The following KCNK10 variants were observed in gnomAD, a reference collection of about 807,000 sequenced individuals.
KCNK10 encodes potassium two pore domain channel subfamily K member 10, also known as potassium channel subfamily K member 10.
A neutral mutation model predicts 47.7 loss-of-function variants in KCNK10; 25 were observed. That is an observed-to-expected ratio of 0.52 (90% CI 0.38 to 0.73). The LOEUF (loss-of-function observed/expected upper bound fraction) is 0.73, where lower values mean the gene tolerates loss of function less well. KCNK10 is among the 30% of genes least tolerant of loss of function. The pLI is 0.00. For synonymous variants in KCNK10, 303 were observed against 285.6 expected, an observed-to-expected ratio of 1.06 and a Z score of -0.61; for missense variants, 563 against 714.5, an observed-to-expected ratio of 0.79 and a Z score of 2.42.
chr14:88,315,834 G>C (rs1041492374), intron 1 of KCNK10, among the ~76,000 whole-genome samples: 2 of 152,050 alleles, frequency 1.3e-5, no homozygotes, highest in Admixed American at 1.3e-4. Flanking sequence ...TTGCACAAGC[G>C]AGAGCAATTG....
intron 3 of KCNK10, among the ~76,000 whole-genome samples, chr14:88,232,189 G>A (rs1351460954): frequency 1.3e-5 from 2 of 152,228 alleles, no homozygotes; most frequent in East Asian, 3.8e-4. Context: ...TGTGATTATA[G>A]TGTGAATAGT....
rs183267851 is a variant in KCNK10 at position 88,202,720 on chromosome 14, C to T, written c.682-10310G>A. On this transcript the variant is annotated intron_variant, in intron 4 of 6. Coordinates refer to ENST00000319231, the MANE Select transcript of KCNK10 (RefSeq NM_138317.3). ...GTTAGGAACACAGACAGAGAGAAGG[C>T]GGAATGGCCACTCAGCCTGGAGCAA... Among the ~76,000 whole-genome samples, 391 of 144,778 alleles carry T rather than the reference C, an allele frequency of 2.7e-3. 4 individuals carry two copies. The highest frequency in any genetic ancestry group is 9.4e-3 in the African/African-American group (366 of 38,950). The allele number at this position is 144,778 out of a possible 152,430, so 95.0% of individuals were successfully genotyped here.
chr14:88,324,072 G>A (rs957394388), upstream of KCNK10, among the ~76,000 whole-genome samples: 11 of 152,230 alleles, frequency 7.2e-5, no homozygotes, highest in Non-Finnish European at 1.5e-4. Context: ...CTGGAAAGGA[G>A]GCTTGAGAGA....
Position 88,185,079 on chromosome 14 carries a change from C to A in KCNK10, c.*456G>T. On this transcript the variant is annotated 3_prime_UTR_variant, in exon 7 of 7. Transcript: ENST00000319231. This position sits in a 1 kb window ranked among gnomAD's most constrained non-coding sequence, Gnocchi z 4.3. Reference sequence around the variant, plus strand: ...AAGCTCAGAGCACATGCCAAAATGTCAACTCCAACGCTAGTTACACATAAC... The same window carrying A: ...AAGCTCAGAGCACATGCCAAAATGTAAACTCCAACGCTAGTTACACATAAC... 6.1e-6 allele frequency: 1 copy of A among 164,112 alleles called. No individual in the cohort carries two copies. The allele number at this position is 164,112 out of a possible 1,614,324, so 10.2% of individuals were successfully genotyped here.
rs1307968013 is a variant in KCNK10 at position 88,184,859 on chromosome 14, T to C, written c.*676A>G. The C allele has an allele frequency of 6.6e-6, 1 of 152,508 alleles. No homozygotes were observed. Among genetic ancestry groups the C allele is most frequent in the Non-Finnish European group, 1.5e-5 (1 of 68,068 alleles). 9.4% of individuals were successfully genotyped at this position (152,508 alleles called of 1,614,324 possible). ...AAACTCAGCAGGCTTCTGTCATTGG[T>C]TAAGGTGATATCCACAGTGTGATGT... is the stretch of plus-strand genomic sequence containing the variant. On this transcript the variant is annotated 3_prime_UTR_variant, in exon 7 of 7. Transcript: ENST00000319231.
At chr14:88,238,115 A>T (rs1229583866) in intron 3 of KCNK10, among the ~76,000 whole-genome samples, 1 of 152,196 alleles carries the variant, frequency 6.6e-6, no homozygotes, top group African/African-American at 2.4e-5. Flanking sequence ...ATGTTATCAA[A>T]AGGTCTTCTT....
chr14:88,275,693 C>CAAAA (rs71126972), intron 1 of KCNK10, among the ~76,000 whole-genome samples: 24 of 71,970 alleles, frequency 3.3e-4, no homozygotes, highest in African/African-American at 1.1e-3. Context: ...GCTAAAAATA[C>CAAAA]AAAAAAAAAA....
chr14:88,326,349 G>A (rs1038693930), upstream of KCNK10: 2 of 1,371,968 alleles, frequency 1.5e-6, no homozygotes, highest in Non-Finnish European at 2.1e-6. Flanking sequence ...TAGCCCTTTG[G>A]GCTACTGCAA....
chr14:88,190,036 C>T (rs910307342), intron 5 of KCNK10, among the ~76,000 whole-genome samples: 5 of 152,114 alleles, frequency 3.3e-5, no homozygotes, highest in African/African-American at 1.2e-4. Context: ...ACTGTGGATG[C>T]CTGGGACTGT....
At chr14:88,212,286 C>T (rs995290589) in intron 4 of KCNK10, among the ~76,000 whole-genome samples, 2 of 151,536 alleles carry the variant, frequency 1.3e-5, no homozygotes, top group African/African-American at 4.9e-5. Context: ...ACTAAAAATA[C>T]AGAATTAGCT....
chr14:88,197,100 GA>G (rs1323295733), intron 4 of KCNK10, among the ~76,000 whole-genome samples: 1 of 152,088 alleles, frequency 6.6e-6, no homozygotes, highest in African/African-American at 2.4e-5. Context: ...TACACACACA[GA>G]AAAAAGTTTA....
chr14:88,325,521 G>A (rs1166720240), upstream of KCNK10, among the ~76,000 whole-genome samples: 1 of 152,164 alleles, frequency 6.6e-6, no homozygotes, highest in Non-Finnish European at 1.5e-5. Flanking sequence ...CCAAGGTCAC[G>A]ATATGAGGAT....
intron 1 of KCNK10, among the ~76,000 whole-genome samples, chr14:88,310,245 G>GGTATATGATCTACCATATC: frequency 7.3e-5 from 1 of 13,682 alleles, no homozygotes; most frequent in East Asian, 3.8e-3. Context: ...CCATATAAAT[G>GGTATATGATCTACCATATC]ATATGCATTT....
chr14:88,280,621 C>A (rs1172335374), intron 1 of KCNK10, among the ~76,000 whole-genome samples: 1 of 152,160 alleles, frequency 6.6e-6, no homozygotes, highest in Non-Finnish European at 1.5e-5. Flanking sequence ...TCTCACCTCC[C>A]CGAATGATAG....
intron 2 of KCNK10, among the ~76,000 whole-genome samples, chr14:88,262,446 G>A (rs186437718): frequency 1.8e-4 from 27 of 152,124 alleles, no homozygotes; most frequent in Admixed American, 3.9e-4. Flanking sequence ...CCCTCGCACC[G>A]CAGCCCCACA....
At chr14:88,246,736 A>C (rs368414489) in intron 2 of KCNK10, among the ~76,000 whole-genome samples, 1 of 152,206 alleles carries the variant, frequency 6.6e-6, no homozygotes, top group Non-Finnish European at 1.5e-5. Flanking sequence ...CTCTTGCAAC[A>C]GGGAAAGTTC....
intron 4 of KCNK10, among the ~76,000 whole-genome samples, chr14:88,196,194 A>G (rs965310502): frequency 2.6e-5 from 4 of 152,208 alleles, no homozygotes; most frequent in African/African-American, 9.6e-5. Flanking sequence ...TACAAACTAT[A>G]GGAATTTTTT....
chr14:88,199,652 T>C (rs2139837202), intron 4 of KCNK10, among the ~76,000 whole-genome samples: 1 of 152,320 alleles, frequency 6.6e-6, no homozygotes, highest in Non-Finnish European at 1.5e-5. Flanking sequence ...CTCTTAGCTA[T>C]GCAGCTGTTC....
chr14:88,206,909 GA>G (rs1380457342), intron 4 of KCNK10, among the ~76,000 whole-genome samples: 1 of 152,160 alleles, frequency 6.6e-6, no homozygotes, highest in African/African-American at 2.4e-5. Flanking sequence ...ACAGGGTTCA[GA>G]ACCACTGGGT....
Sources: allele counts gnomAD v4.1 joint callset (sites outside exome capture counted in the v4.1 genomes callset), GRCh38; gene constraint gnomAD v4.1.1; non-coding constraint Gnocchi (gnomAD v3.1); transcripts MANE v1.5; gene names NCBI Gene and HGNC (gene_info 2026-07-23, HGNC 2026-07-21).